Variants in TMEM39A observed in about 807,000 individuals in gnomAD.
TMEM39A encodes the protein suppressor of SQST-1 aggregates in rpl-43 mutants.
Under a neutral mutation model 51.9 loss-of-function variants are expected in TMEM39A, and 19 were observed. The ratio of observed to expected loss-of-function variants is 0.37; its 90% CI spans 0.26 to 0.54. The LOEUF (loss-of-function observed/expected upper bound fraction) is 0.54. Ranked by LOEUF, TMEM39A falls within the 20% of genes least tolerant of loss-of-function variation. The probability of loss-of-function intolerance (pLI) is 0.88; values close to 1 mark genes in which losing one functional copy is unlikely to be tolerated. For synonymous variants in TMEM39A, 197 were observed against 220.2 expected, an observed-to-expected ratio of 0.89 and a Z score of 0.93; for missense variants, 433 against 590.5, an observed-to-expected ratio of 0.73 and a Z score of 2.76.
chr3:119,461,940 T>C (rs765523594), intron 2 of TMEM39A, 22 bp downstream of exon 2: 16 of 1,574,188 alleles, frequency 1.0e-5, no homozygotes, highest in Admixed American at 3.4e-5. Context: ...TAAAATTATA[T>C]ATAGCCTTAT....
chr3:119,463,492 T>A lies in TMEM39A; in HGVS notation c.-231A>T. On this transcript the variant is annotated 5_prime_UTR_variant, in exon 1 of 9. Transcript: ENST00000319172. The stretch of plus-strand genomic sequence containing the variant: ...CCCCGCCTAGAGAATCAAGAAAAGG[T>A]GTCCAGGCTTCGGGCTGCCAGACTC... 1 of 398,540 alleles carries A rather than the reference T, an allele frequency of 2.5e-6. No homozygotes were observed. The allele number at this position is 398,540 out of a possible 1,614,324, so 24.7% of individuals were successfully genotyped here.
chr3:119,454,761 C>T (rs181022169), intron 3 of TMEM39A, among the ~76,000 whole-genome samples: 23 of 152,226 alleles, frequency 1.5e-4, no homozygotes, highest in African/African-American at 5.3e-4. Context: ...TGCACTCCAG[C>T]CTGCTGACAG....
At chr3:119,435,779 C>G (rs2080960883) in intron 7 of TMEM39A, 1 of 1,190,376 alleles carries the variant, frequency 8.4e-7, no homozygotes. Flanking sequence ...TGATACACCT[C>G]ATGGCCATGT....
intron 4 of TMEM39A, chr3:119,451,205 C>A: frequency 7.9e-7 from 1 of 1,259,130 alleles, no homozygotes; most frequent in Non-Finnish European, 1.0e-6. Flanking sequence ...AGGAATCCTA[C>A]TACCTGTGCT....
Position 119,452,518 on chromosome 3 carries a change from T to A in TMEM39A, c.349A>T (p.Ile117Phe). The change falls in exon 4 of 9, where the codon ATT (isoleucine) becomes TTT (phenylalanine). Residue 117 changes from isoleucine (I) to phenylalanine (F), a missense_variant. Around this residue, in one of 3 missense-constraint regions of TMEM39A, gnomAD observed 170 missense variants for 239.8 expected, o/e 0.71. Coordinates refer to ENST00000319172, the MANE Select transcript of TMEM39A (RefSeq NM_018266.3). ...ASCTSLNFHL[I>F]DYHLAAFITV... is the part of the protein sequence containing the mutation. ...ATGAATGCTGCCAGATGATAATCAA[T>A]GAGATGAAAATTCTACAACAGAAAT... 1 of 1,613,114 alleles carries A rather than the reference T, an allele frequency of 6.2e-7. No individual in the cohort carries two copies. The highest frequency in any genetic ancestry group is 8.5e-7 in the Non-Finnish European group (1 of 1,179,324).
At chr3:119,451,235 G>A (rs2081193573) in intron 4 of TMEM39A, 5 of 1,281,916 alleles carry the variant, frequency 3.9e-6, no homozygotes, top group Non-Finnish European at 4.1e-6. Flanking sequence ...ACTTCAAATG[G>A]TTTTCAGATC....
At chr3:119,454,071 T>A (rs1342553954) in intron 3 of TMEM39A, among the ~76,000 whole-genome samples, 1 of 151,992 alleles carries the variant, frequency 6.6e-6, no homozygotes, top group Non-Finnish European at 1.5e-5. Flanking sequence ...GAAAAAGCAA[T>A]CACAAAGGCC....
In TMEM39A at chr3:119,434,877, G is replaced by C. The variant is rs780261303; in HGVS notation, c.1118C>G (p.Ser373Ter). Reference sequence around the variant, plus strand: ...CCCTTGAGGCCATATTGTATTTTCTGACCAACTAAGGGAGAAAGAAATGCA... The same window carrying C: ...CCCTTGAGGCCATATTGTATTTTCTCACCAACTAAGGGAGAAAGAAATGCA... ...SYSNAPQHIW[S>*]ENTIWPQGVL... is the part of the protein sequence containing the mutation. The change falls in exon 8 of 9, where the codon TCA becomes TGA. Residue 373 changes from serine (S) to a stop codon, truncating the protein, a stop_gained. Coordinates refer to ENST00000319172, the MANE Select transcript of TMEM39A (RefSeq NM_018266.3). LOFTEE classifies it high-confidence loss of function. 1 of 1,613,116 alleles carries C rather than the reference G, an allele frequency of 6.2e-7. No individual in the cohort carries two copies. The highest frequency in any genetic ancestry group is 8.5e-7 in the Non-Finnish European group (1 of 1,179,350).
intron 3 of TMEM39A, among the ~76,000 whole-genome samples, chr3:119,457,678 A>G (rs977385881): frequency 1.3e-5 from 2 of 152,228 alleles, no homozygotes; most frequent in Non-Finnish European, 2.9e-5. Context: ...TTCAGCCATT[A>G]AAAGGGTAGA....
intron 7 of TMEM39A, chr3:119,435,260 G>T (rs2080952745): frequency 1.0e-6 from 1 of 985,270 alleles, no homozygotes; most frequent in Admixed American, 6.2e-5. Flanking sequence ...AACAAGAAGA[G>T]AAAGCTGATG....
chr3:119,460,992 T>C (rs993900395), intron 2 of TMEM39A, among the ~76,000 whole-genome samples: 2 of 152,176 alleles, frequency 1.3e-5, no homozygotes, highest in African/African-American at 4.8e-5. Context: ...TTTTGTAAAA[T>C]TCAGTAAAGT....
At chr3:119,451,436 C>T (rs1234520341) in intron 4 of TMEM39A, 1 of 544,508 alleles carries the variant, frequency 1.8e-6, no homozygotes, top group East Asian at 6.9e-5. Flanking sequence ...TTAGCCACTT[C>T]AGCTAAATTA....
rs531364795 is a variant in TMEM39A at position 119,439,490 on chromosome 3, G to T, written c.576-1387C>A. 2.6e-4 allele frequency among the ~76,000 whole-genome samples: 38 copies of T among 144,048 alleles called. 1 individual carries two copies. Among genetic ancestry groups the T allele is most frequent in the Non-Finnish European group, 4.6e-4 (31 of 67,236 alleles). The allele number at this position is 144,048 out of a possible 152,430, so 94.5% of individuals were successfully genotyped here. A position where few individuals can be genotyped will look rare whatever the true frequency, so the allele number is the denominator to read the frequency against. ...CAGCTACTCGGAGGCTGAGGCAGGA[G>T]AATCACTTGAACCCTGGAGGTGGAG... On this transcript the variant is annotated intron_variant, in intron 5 of 8. Coordinates refer to ENST00000319172, the MANE Select transcript of TMEM39A (RefSeq NM_018266.3).
chr3:119,434,311 C>T (rs572856453), intron 8 of TMEM39A, among the ~76,000 whole-genome samples: 1 of 152,102 alleles, frequency 6.6e-6, no homozygotes, highest in South Asian at 2.1e-4. Flanking sequence ...AAAGGGGAAG[C>T]TAAAGCCTTT....
chr3:119,441,778 G>A (rs2081056867), intron 5 of TMEM39A, among the ~76,000 whole-genome samples: 1 of 152,214 alleles, frequency 6.6e-6, no homozygotes, highest in Admixed American at 6.5e-5. Context: ...TCCATACCTA[G>A]AGAGGAGAAG....
intron 8 of TMEM39A, among the ~76,000 whole-genome samples, chr3:119,433,450 A>G (rs1310294927): frequency 1.3e-5 from 2 of 152,144 alleles, no homozygotes; most frequent in African/African-American, 4.8e-5. Flanking sequence ...CACTTGGAGA[A>G]GCACTGATTT....
At chr3:119,449,192 CTG>C (rs942665150) in intron 4 of TMEM39A, among the ~76,000 whole-genome samples, 7 of 152,054 alleles carry the variant, frequency 4.6e-5, no homozygotes, top group Non-Finnish European at 7.4e-5. Context: ...GGATATGAAA[CTG>C]TATATAAATA....
chr3:119,458,897 A>G (rs2081300976), intron 2 of TMEM39A, among the ~76,000 whole-genome samples: 1 of 152,186 alleles, frequency 6.6e-6, no homozygotes, highest in Non-Finnish European at 1.5e-5. Flanking sequence ...CTCCATCTCA[A>G]AAACAAAACC....
Position 119,463,511 on chromosome 3 carries a change from C to A in TMEM39A, c.-250G>T. 1 of 398,848 alleles carries A rather than the reference C, an allele frequency of 2.5e-6. No homozygotes were observed. Among genetic ancestry groups the A allele is most frequent in the South Asian group, 1.3e-4 (1 of 7,846 alleles). 24.7% of individuals were successfully genotyped at this position (398,848 alleles called of 1,614,324 possible). On this transcript the variant is annotated 5_prime_UTR_variant, in exon 1 of 9. Transcript: ENST00000319172. The stretch of plus-strand genomic sequence containing the variant: ...AAAAGGTGTCCAGGCTTCGGGCTGC[C>A]AGACTCAGACCCAGACTCCGACGCA...
Sources: gnomAD v4.1 joint callset for allele counts (sites outside exome capture counted in the v4.1 genomes callset) on GRCh38, gnomAD v4.1.1 for gene constraint, gnomAD v4.1.1 regional missense constraint, MANE v1.5 for transcripts, NCBI Gene and HGNC (gene_info 2026-07-23, HGNC 2026-07-21) for gene names.